SASH1: variants seen among roughly 807,000 people sequenced by gnomAD.
SASH1 encodes the protein SAM and SH3 domain containing 1, also known as SAM and SH3 domain-containing protein 1.
SASH1 carries 44 observed loss-of-function variants against 125.2 expected under a neutral mutation model. That is an observed-to-expected ratio of 0.35 (90% CI 0.28 to 0.45). SASH1 has a LOEUF of 0.45. Ranked by LOEUF, SASH1 falls within the 20% of genes least tolerant of loss-of-function variation. The probability of loss-of-function intolerance (pLI) is 1.00; values close to 1 mark genes in which losing one functional copy is unlikely to be tolerated. For missense variants in SASH1, 1,426 were observed against 1,614.5 expected (o/e 0.88, Z 2.00); for synonymous variants, 639 against 649.1 (o/e 0.98, Z 0.24).
At chr6:148,527,317 G>A in intron 11 of SASH1, 136 bp from the exon 12 acceptor site, 1 of 719,072 alleles carries the variant, frequency 1.4e-6, no homozygotes, top group Non-Finnish European at 2.1e-6. Context: ...TAATAGCACT[G>A]AGTTAACACA....
intron 1 of SASH1, among the ~76,000 whole-genome samples, chr6:148,343,754 A>AGG (rs1781423690): frequency 2.0e-5 from 3 of 152,232 alleles, no homozygotes; most frequent in African/African-American, 7.2e-5. Flanking sequence ...TTATTTTGCT[A>AGG]AATCTGTGCT....
At chr6:148,281,287 A>T (rs1257202027) in intron 1 of SASH1, among the ~76,000 whole-genome samples, 1 of 151,946 alleles carries the variant, frequency 6.6e-6, no homozygotes, top group African/African-American at 2.4e-5. Context: ...GAACACCAGC[A>T]TCCAGGAAAC....
At chr6:148,314,173 G>A (rs1379648757) in intron 1 of SASH1, among the ~76,000 whole-genome samples, 1 of 152,136 alleles carries the variant, frequency 6.6e-6, no homozygotes, top group Non-Finnish European at 1.5e-5. Context: ...CTGTCCCGGA[G>A]CAGCCATTAT....
intron 2 of SASH1, among the ~76,000 whole-genome samples, chr6:148,430,275 T>G (rs775939076): frequency 2.0e-5 from 3 of 152,188 alleles, no homozygotes; most frequent in Non-Finnish European, 4.4e-5. Context: ...GAAGGGGGCT[T>G]CTTCTTCTGA....
At chr6:148,441,247 T>C (rs1243308163) in intron 4 of SASH1, among the ~76,000 whole-genome samples, 5 of 152,206 alleles carry the variant, frequency 3.3e-5, no homozygotes, top group East Asian at 3.8e-4. Flanking sequence ...AAAGCACACG[T>C]TGGGGAGAGC....
At chr6:148,530,622 G>A (rs1039698352) in intron 12 of SASH1, among the ~76,000 whole-genome samples, 3 of 152,174 alleles carry the variant, frequency 2.0e-5, no homozygotes, top group Non-Finnish European at 4.4e-5. Flanking sequence ...CAAATAGCAG[G>A]TTTCATTTTA....
At chr6:148,197,379 T>C in the SASH1 span, among the ~76,000 whole-genome samples, 2 of 152,250 alleles carry the variant, frequency 1.3e-5, no homozygotes, top group Admixed American at 6.5e-5. Context: ...AGTCTATTTT[T>C]GCTCAGGATA....
intron 2 of SASH1, among the ~76,000 whole-genome samples, chr6:148,428,976 A>G (rs922439741): frequency 2.6e-5 from 4 of 152,150 alleles, no homozygotes; most frequent in African/African-American, 9.7e-5. Flanking sequence ...CTCGAGCAAT[A>G]CGGGTGAAAT....
intron 4 of SASH1, among the ~76,000 whole-genome samples, chr6:148,448,981 T>C (rs1776943493): frequency 6.6e-6 from 1 of 152,164 alleles, no homozygotes; most frequent in African/African-American, 2.4e-5. Context: ...AAATCCTGTT[T>C]TTCAACTTCT....
intron 2 of SASH1, among the ~76,000 whole-genome samples, chr6:148,396,496 A>G (rs113732346): frequency 4.0e-5 from 6 of 151,550 alleles, no homozygotes; most frequent in African/African-American, 9.7e-5. Context: ...AAAAAAAAAA[A>G]AAAAAAAGAA....
intron 1 of SASH1, among the ~76,000 whole-genome samples, chr6:148,353,726 T>C (rs5020385): frequency 0.11 from 16,575 of 151,604 alleles, 1,008 homozygotes; most frequent in Non-Finnish European, 0.14. Context: ...TGAGCCACCA[T>C]ACCTGACCAA....
rs892036414 is a variant in SASH1, at chr6:148,512,714, T to C, written c.730-1610T>C. On this transcript the variant is annotated intron_variant, in intron 8 of 19. Coordinates refer to ENST00000367467, the MANE Select transcript of SASH1 (RefSeq NM_015278.5). The stretch of plus-strand genomic sequence containing the variant: ...TTACCTGGGAGTCCAGTTCCCATTC[T>C]TTATTACTAGGTAACCAGTACTTAG... The C allele has an allele frequency of 5.1e-6, 5 of 985,340 alleles. No homozygotes were observed. In the African/African-American group the frequency reaches 8.7e-5, roughly 17 times the overall value. 61.0% of individuals were successfully genotyped at this position (985,340 alleles called of 1,614,324 possible).
the SASH1 span, among the ~76,000 whole-genome samples, chr6:148,220,874 AC>A: frequency 1.3e-5 from 2 of 152,222 alleles, no homozygotes; most frequent in African/African-American, 4.8e-5. Context: ...AGGTCGTGCC[AC>A]TGCACTCCAG....
intron 1 of SASH1, among the ~76,000 whole-genome samples, chr6:148,322,657 G>C (rs77638937): frequency 1.3e-5 from 2 of 152,026 alleles, no homozygotes; most frequent in Non-Finnish European, 2.9e-5. Flanking sequence ...TGGACACTGC[G>C]GATCCCTTAC....
the SASH1 span, among the ~76,000 whole-genome samples, chr6:148,204,460 G>C: frequency 1.6e-4 from 24 of 152,290 alleles, no homozygotes; most frequent in Middle Eastern, 3.4e-3. Flanking sequence ...GGGAGGCCAA[G>C]ACAGGCAGAT....
chr6:148,476,958 A>G (rs1204005732), intron 7 of SASH1, among the ~76,000 whole-genome samples: 1 of 152,202 alleles, frequency 6.6e-6, no homozygotes, highest in African/African-American at 2.4e-5. Flanking sequence ...AGAATATACA[A>G]TGGGGAAAGA....
intron 16 of SASH1, 63 bp from the exon 17 acceptor site, chr6:148,540,380 T>C: frequency 1.5e-6 from 2 of 1,303,538 alleles, no homozygotes; most frequent in Non-Finnish European, 2.2e-6. Context: ...TCGAGATCTG[T>C]TGACTCTGAA....
At chr6:148,394,228 G>A (rs1783853851) in intron 2 of SASH1, among the ~76,000 whole-genome samples, 1 of 152,186 alleles carries the variant, frequency 6.6e-6, no homozygotes, top group Non-Finnish European at 1.5e-5. Flanking sequence ...CAGACAAGTT[G>A]CAGTGGAAAA....
At chr6:148,243,058 G>A in the SASH1 span, among the ~76,000 whole-genome samples, 1 of 152,298 alleles carries the variant, frequency 6.6e-6, no homozygotes, top group East Asian at 1.9e-4. Context: ...GCTCCCGCCT[G>A]TAATCCCAGC....
Sources: gnomAD v4.1 joint callset for allele counts (sites outside exome capture counted in the v4.1 genomes callset) on GRCh38, gnomAD v4.1.1 for gene constraint, MANE v1.5 for transcripts, NCBI Gene and HGNC (gene_info 2026-07-23, HGNC 2026-07-21) for gene names.